MLH3: variants seen among roughly 807,000 people sequenced by gnomAD.
MLH3 encodes DNA mismatch repair protein Mlh3.
Under a neutral mutation model 122.2 loss-of-function variants are expected in MLH3, and 82 were observed. The observed-to-expected ratio is 0.67, with a 90% confidence interval of 0.56 to 0.81. The LOEUF (loss-of-function observed/expected upper bound fraction) is 0.81, where lower values mean the gene tolerates loss of function less well. Ranked by LOEUF, MLH3 falls within the 30% of genes least tolerant of loss-of-function variation. The probability of loss-of-function intolerance (pLI) is 0.00; values close to 1 mark genes in which losing one functional copy is unlikely to be tolerated. For missense variants in MLH3, 1,539 were observed against 1,714.5 expected (o/e 0.90, Z 1.81); for synonymous variants, 524 against 599.5 (o/e 0.87, Z 1.84).
At chr14:75,019,469 G>A (rs1196296581) in intron 11 of MLH3, among the ~76,000 whole-genome samples, 3 of 146,516 alleles carry the variant, frequency 2.0e-5, no homozygotes, top group African/African-American at 7.5e-5. Flanking sequence ...GACCATGGAT[G>A]AAACTAAGGC....
rs557921152 is a variant in MLH3, at chr14:75,046,555, G to C, written c.3101C>G (p.Thr1034Ser). 32 of 1,614,188 alleles carry C rather than the reference G, an allele frequency of 2.0e-5. No homozygotes were observed. The South Asian group carries it at 2.9e-4, about 14-fold the overall frequency. Residue 1034 changes from threonine (T) to serine (S), a missense_variant, in exon 2 of 13, where the codon ACT becomes AGT. Coordinates refer to ENST00000355774, the MANE Select transcript of MLH3 (RefSeq NM_001040108.2). ...EESKARACSE[T>S]EESNTCCSDW... ...TGAACAACACGTGTTTGACTCTTCA[G>C]TTTCAGAACAAGCTCTTGCTTTAGA...
chr14:75,036,192 C>G (rs901462377), intron 6 of MLH3, among the ~76,000 whole-genome samples: 1 of 152,144 alleles, frequency 6.6e-6, no homozygotes, highest in African/African-American at 2.4e-5. Context: ...ATTCTAGATT[C>G]AAGACCTCTC....
At position 75,016,650 on chromosome 14, in the gene MLH3, G is replaced by A; in HGVS notation, c.*432C>T. ...GAGGGGACCAGTGCAGAAACCCTGG[G>A]GGCAGCCTGGGAAGGCAGACTACCC... is the stretch of plus-strand genomic sequence containing the variant. On this transcript the variant is annotated 3_prime_UTR_variant, in exon 13 of 13. Coordinates refer to ENST00000355774, the MANE Select transcript of MLH3 (RefSeq NM_001040108.2). 3.4e-6 allele frequency: 1 copy of A among 290,494 alleles called. No individual in the cohort carries two copies. Among genetic ancestry groups the A allele is most frequent in the Non-Finnish European group, 6.6e-6 (1 of 150,554 alleles). 18.0% of individuals were successfully genotyped at this position (290,494 alleles called of 1,614,324 possible). A position where few individuals can be genotyped will look rare whatever the true frequency, so the allele number is the denominator to read the frequency against.
chr14:75,038,843 A>G (rs1891602859), intron 5 of MLH3, among the ~76,000 whole-genome samples: 1 of 146,420 alleles, frequency 6.8e-6, no homozygotes, highest in African/African-American at 2.5e-5. Context: ...TTTATTTTTA[A>G]TTTTTTTTTT....
chr14:75,049,471 C>G lies in MLH3; in HGVS notation c.185G>C (p.Gly62Ala). Reference sequence around the variant, plus strand: ...TCCCACTTTCTCTACATCATCACTCCCCATCCCAAATCCATTGTCTATCAC... The same window carrying G: ...TCCCACTTTCTCTACATCATCACTCGCCATCCCAAATCCATTGTCTATCAC... ...VQVIDNGFGM[G>A]SDDVEKVGNR... The change falls in exon 2 of 13, where the codon GGG (glycine) becomes GCG (alanine). Residue 62 changes from glycine (G) to alanine (A), a missense_variant. Physicochemically the swap from Gly to Ala is moderately conservative, Grantham distance 60. Coordinates refer to ENST00000355774, the MANE Select transcript of MLH3 (RefSeq NM_001040108.2). 6.2e-7 allele frequency: 1 copy of G among 1,614,146 alleles called. No individual in the cohort carries two copies.
At chr14:75,035,896 C>T (rs1433438171) in intron 6 of MLH3, among the ~76,000 whole-genome samples, 2 of 152,030 alleles carry the variant, frequency 1.3e-5, no homozygotes, top group Non-Finnish European at 2.9e-5. Flanking sequence ...GTCCCTCTTC[C>T]GTGTCATGGG....
intron 9 of MLH3, among the ~76,000 whole-genome samples, chr14:75,025,622 T>C (rs1270405365): frequency 6.6e-6 from 1 of 152,170 alleles, no homozygotes; most frequent in Non-Finnish European, 1.5e-5. Context: ...ATATTCTCCC[T>C]GGACAACCTC....
chr14:75,042,609 TGAGA>T (rs1200731164), intron 2 of MLH3, 132 bp from the exon 3 acceptor site: 5 of 687,152 alleles, frequency 7.3e-6, no homozygotes, highest in African/African-American at 1.8e-5. Flanking sequence ...AACACTAGAT[TGAGA>T]ATCAGAAATC....
Position 75,018,937 on chromosome 14 carries a change from G to C in MLH3, c.4134C>G (p.Cys1378Trp), listed in dbSNP as rs2139297417. Residue 1378 changes from cysteine to tryptophan, a missense_variant, in exon 12 of 13, where the codon TGC becomes TGG. Cys to Trp is a radical substitution (Grantham distance 215). Coordinates refer to ENST00000355774, the MANE Select transcript of MLH3 (RefSeq NM_001040108.2). ...FNDGLSLQESCRLIEALSSCQ... is the reference protein window; with the variant it reads ...FNDGLSLQESWRLIEALSSCQ... ...ATGAGGACAGAGCTTCAATAAGGCG[G>C]CAACTTTCCTGTAAGCTCAGGCCAT... 6.2e-7 allele frequency: 1 copy of C among 1,614,142 alleles called. No homozygotes were observed. Among genetic ancestry groups the C allele is most frequent in the Non-Finnish European group, 8.5e-7 (1 of 1,180,010 alleles).
chr14:75,044,988 A>G (rs577752384), intron 2 of MLH3, among the ~76,000 whole-genome samples: 1 of 152,332 alleles, frequency 6.6e-6, no homozygotes, highest in African/African-American at 2.4e-5. Flanking sequence ...GTGGACCGAG[A>G]ACCCAGAGTC....
intron 12 of MLH3, among the ~76,000 whole-genome samples, 190 bp from the exon 13 acceptor site, chr14:75,017,391 A>T (rs1889959431): frequency 6.6e-6 from 1 of 152,118 alleles, no homozygotes; most frequent in South Asian, 2.1e-4. Context: ...ACAAAAAAAA[A>T]TTAGCCGGGT....
At chr14:75,043,193 C>CA (rs948378954) in intron 2 of MLH3, among the ~76,000 whole-genome samples, 4 of 152,158 alleles carry the variant, frequency 2.6e-5, no homozygotes, top group African/African-American at 9.7e-5. Context: ...AACCTTACAA[C>CA]AAAAAATTAC....
chr14:75,020,241 G>C (rs1461330586), intron 11 of MLH3, among the ~76,000 whole-genome samples: 1 of 152,204 alleles, frequency 6.6e-6, no homozygotes, highest in East Asian at 1.9e-4. Flanking sequence ...GCAGGCAGGG[G>C]CCAAATCACG....
Position 75,047,534 on chromosome 14 carries a change from A to C in MLH3, c.2122T>G (p.Cys708Gly). Reference protein sequence around the residue: ...QEGSKKSQTDCILSDTSPSFP... With the variant: ...QEGSKKSQTDGILSDTSPSFP... ...GAGGGGGATGTATCAGATAATATGC[A>C]ATCTGTTTGTGATTTTTTGCTACCT... The change falls in exon 2 of 13, where the codon TGC (cysteine) becomes GGC (glycine). Residue 708 changes from cysteine (C) to glycine (G), a missense_variant. Cys to Gly is a radical substitution (Grantham distance 159). Transcript: ENST00000355774. 2 of 1,614,036 alleles carry C rather than the reference A, an allele frequency of 1.2e-6. No homozygotes were observed. The highest frequency in any genetic ancestry group is 1.7e-6 in the Non-Finnish European group (2 of 1,179,996).
chr14:75,032,098 G>A lies in MLH3; in HGVS notation c.3797C>T (p.Thr1266Ile), dbSNP rs777185319. 2 of 1,612,730 alleles carry A rather than the reference G, an allele frequency of 1.2e-6. No individual in the cohort carries two copies. Among genetic ancestry groups the A allele is most frequent in the Non-Finnish European group, 1.7e-6 (2 of 1,178,876 alleles). ...SSTLIPPLEITVTEEQRRLLW... is the reference protein window; with the variant it reads ...SSTLIPPLEIIVTEEQRRLLW... ...GAGTCTCCTTTGTTCCTCTGTCACT[G>A]TTATCTCTAGCGGAGGAATTAGAGT... Residue 1266 changes from threonine to isoleucine, a missense_variant, in exon 8 of 13, where the codon ACA (threonine) becomes ATA (isoleucine). Transcript: ENST00000355774.
chr14:75,042,371 AC>A lies in MLH3; in HGVS notation c.3379+7del. On this transcript the variant is annotated splice_region_variant and intron_variant, in intron 3 of 12. Coordinates refer to ENST00000355774, the MANE Select transcript of MLH3 (RefSeq NM_001040108.2). The stretch of plus-strand genomic sequence containing the variant: ...ACTGTGTGCCCCAGCACTCTCTGCC[AC>A]CCTTACCTCTGTTATCCTGTCTCAT... 6.2e-7 allele frequency: 1 copy of A among 1,612,744 alleles called. No homozygotes were observed. The highest frequency in any genetic ancestry group is 8.5e-7 in the Non-Finnish European group (1 of 1,178,828).
chr14:75,022,094 T>G (rs1890317592), intron 11 of MLH3, among the ~76,000 whole-genome samples: 1 of 152,170 alleles, frequency 6.6e-6, no homozygotes, highest in Non-Finnish European at 1.5e-5. Context: ...TGTTCTTACT[T>G]AAAAGTGGGA....
At chr14:75,040,449 C>CAAAAAAAAAAAAAAAAAAAAAAAAAAAA (rs36233766) in intron 4 of MLH3, among the ~76,000 whole-genome samples, 2 of 35,592 alleles carry the variant, frequency 5.6e-5, no homozygotes, top group Non-Finnish European at 5.0e-5. Flanking sequence ...GACTCTGTCA[C>CAAAAAAAAAAAAAAAAAAAAAAAAAAAA]AAAAAAAAAA....
At chr14:75,042,611 A>C in intron 2 of MLH3, 134 bp from the exon 3 acceptor site, 1 of 682,524 alleles carries the variant, frequency 1.5e-6, no homozygotes, top group South Asian at 1.6e-5. Flanking sequence ...CACTAGATTG[A>C]GAATCAGAAA....
Sources: gnomAD v4.1 joint callset for allele counts (sites outside exome capture counted in the v4.1 genomes callset) on GRCh38, gnomAD v4.1.1 for gene constraint, MANE v1.5 for transcripts, NCBI Gene and HGNC (gene_info 2026-07-23, HGNC 2026-07-21) for gene names.